Variants in WWOX observed in about 807,000 individuals in gnomAD.
The protein encoded by WWOX is WW domain containing oxidoreductase, also known as WW domain-containing oxidoreductase.
A neutral mutation model predicts 46.2 loss-of-function variants in WWOX; 69 were observed. The ratio of observed to expected loss-of-function variants is 1.49; its 90% CI spans 1.23 to 1.82. The LOEUF is 1.82. Ranked by LOEUF, WWOX falls within the 40% of genes most tolerant of loss-of-function variation. The pLI is 0.00. For missense variants in WWOX, 919 were observed against 542.6 expected (o/e 1.69, Z -6.89); for synonymous variants, 359 against 202.6 (o/e 1.77, Z -6.56).
At chr16:78,231,411 T>C (rs1172555872) in intron 5 of WWOX, among the ~76,000 whole-genome samples, 1 of 152,168 alleles carries the variant, frequency 6.6e-6, no homozygotes, top group Non-Finnish European at 1.5e-5. Context: ...AAACACAGGA[T>C]AATGTACCTA....
intron 8 of WWOX, among the ~76,000 whole-genome samples, chr16:79,067,205 C>G (rs181018650): frequency 4.6e-5 from 7 of 152,268 alleles, no homozygotes; most frequent in Admixed American, 3.9e-4. Flanking sequence ...GTCTTTGCTT[C>G]TGGTGATTCT....
intron 8 of WWOX, among the ~76,000 whole-genome samples, chr16:79,052,630 G>T (rs1202986626): frequency 1.3e-5 from 2 of 152,188 alleles, no homozygotes; most frequent in East Asian, 3.9e-4. Flanking sequence ...TACAGAATGT[G>T]AGGTCCCTTT....
At chr16:78,814,299 C>T (rs1183381157) in intron 8 of WWOX, among the ~76,000 whole-genome samples, 2 of 152,018 alleles carry the variant, frequency 1.3e-5, no homozygotes, top group Non-Finnish European at 2.9e-5. Context: ...TCCTTTTTAT[C>T]CTCCTGGTGA....
intron 8 of WWOX, among the ~76,000 whole-genome samples, chr16:78,592,596 A>T (rs2045377151): frequency 6.6e-6 from 1 of 152,180 alleles, no homozygotes; most frequent in East Asian, 1.9e-4. Context: ...GCTTCTTTTT[A>T]TTTCTTAGAG....
chr16:78,945,704 C>A (rs575591530), intron 8 of WWOX, among the ~76,000 whole-genome samples: 1 of 152,088 alleles, frequency 6.6e-6, no homozygotes, highest in Non-Finnish European at 1.5e-5. Flanking sequence ...CCCCTTTCTC[C>A]CCTGCATTGT....
At chr16:78,462,486 T>A (rs1448110112) in intron 8 of WWOX, among the ~76,000 whole-genome samples, 2 of 152,146 alleles carry the variant, frequency 1.3e-5, no homozygotes, top group Admixed American at 6.5e-5. Flanking sequence ...GGTATTTCCT[T>A]AGTAAATTGT....
chr16:78,186,496 C>G (rs6564512), intron 5 of WWOX, among the ~76,000 whole-genome samples: 7 of 152,064 alleles, frequency 4.6e-5, no homozygotes, highest in African/African-American at 1.4e-4. Context: ...AGATGCAGTG[C>G]CTCATGCCTG....
intron 8 of WWOX, among the ~76,000 whole-genome samples, chr16:79,098,235 A>C (rs551185689): frequency 6.6e-6 from 1 of 152,302 alleles, no homozygotes; most frequent in African/African-American, 2.4e-5. Flanking sequence ...TGAATCCAGA[A>C]GCTCTAAGCA....
chr16:79,130,860 G>A (rs1260203154), intron 8 of WWOX, among the ~76,000 whole-genome samples: 2 of 152,330 alleles, frequency 1.3e-5, no homozygotes, highest in East Asian at 1.9e-4. Flanking sequence ...GCTACTGCGG[G>A]TGTGTGAGCC....
chr16:78,111,019 T>C (rs1231073394), intron 3 of WWOX, among the ~76,000 whole-genome samples: 1 of 152,172 alleles, frequency 6.6e-6, no homozygotes, highest in African/African-American at 2.4e-5. Context: ...TTTTTTTTTT[T>C]TAAAGTTATG....
intron 8 of WWOX, among the ~76,000 whole-genome samples, chr16:79,068,064 G>A (rs886259501): frequency 6.6e-6 from 1 of 152,158 alleles, no homozygotes; most frequent in African/African-American, 2.4e-5. Flanking sequence ...GCTATTAGCT[G>A]CATGTACAAG....
intron 6 of WWOX, among the ~76,000 whole-genome samples, chr16:78,422,017 A>T (rs890046591): frequency 2.2e-4 from 34 of 152,192 alleles, no homozygotes; most frequent in African/African-American, 8.2e-4. Context: ...AAATATGCTA[A>T]TTTGATAGAA....
chr16:78,804,905 A>G (rs1420090564), intron 8 of WWOX, among the ~76,000 whole-genome samples: 1 of 152,224 alleles, frequency 6.6e-6, no homozygotes, highest in African/African-American at 2.4e-5. Flanking sequence ...AGTAATCTAA[A>G]TTTCCTCCAA....
chr16:79,101,334 A>AC (rs1849922576), intron 8 of WWOX: 1 of 152,202 alleles, frequency 6.6e-6, no homozygotes, highest in South Asian at 2.1e-4. Flanking sequence ...CTCTCTGCTG[A>AC]CACAAGATCG....
At chr16:78,988,137 G>C (rs2151342374) in intron 8 of WWOX, among the ~76,000 whole-genome samples, 1 of 152,176 alleles carries the variant, frequency 6.6e-6, no homozygotes, top group East Asian at 1.9e-4. Flanking sequence ...GAGGTCAGGA[G>C]TTTGAGACCA....
rs543132719 is a variant in WWOX, at chr16:78,223,680, A to G, written c.516+59391A>G. 6.6e-4 allele frequency among the ~76,000 whole-genome samples: 100 copies of G among 152,236 alleles called. 1 individual carries two copies. The highest frequency in any genetic ancestry group is 2.4e-3 in the African/African-American group (98 of 41,544). ...TTCAGTTTCCAGCCTGGGTTTCCCAAAGGAGAGGGTGTTTGAGTTCAGTGG... is the reference window on the plus strand; with the variant it reads ...TTCAGTTTCCAGCCTGGGTTTCCCAGAGGAGAGGGTGTTTGAGTTCAGTGG... On this transcript the variant is annotated intron_variant, in intron 5 of 8. Transcript: ENST00000566780.
chr16:78,166,035 G>T (rs568067585), intron 5 of WWOX, among the ~76,000 whole-genome samples: 2 of 152,278 alleles, frequency 1.3e-5, no homozygotes, highest in East Asian at 3.9e-4. Flanking sequence ...GAATCTACAC[G>T]CAGAATGGGA....
intron 8 of WWOX, among the ~76,000 whole-genome samples, chr16:78,973,225 G>C (rs2046506415): frequency 6.6e-6 from 1 of 152,174 alleles, no homozygotes; most frequent in African/African-American, 2.4e-5. Context: ...CCACAGACCG[G>C]AGCTTGTGTT....
chr16:78,883,200 G>C (rs866868043), intron 8 of WWOX, among the ~76,000 whole-genome samples: 1 of 152,298 alleles, frequency 6.6e-6, no homozygotes. Flanking sequence ...TGTGGTTGTT[G>C]TGGAAATTAA....
Sources: gnomAD v4.1 joint callset for allele counts (sites outside exome capture counted in the v4.1 genomes callset) on GRCh38, gnomAD v4.1.1 for gene constraint, MANE v1.5 for transcripts, NCBI Gene and HGNC (gene_info 2026-07-23, HGNC 2026-07-21) for gene names.